Variants in RNF130 observed in about 807,000 individuals in gnomAD.
RNF130 encodes the protein E3 ubiquitin-protein ligase RNF130.
Under a neutral mutation model 44.6 loss-of-function variants are expected in RNF130, and 21 were observed. The observed-to-expected ratio is 0.47, with a 90% CI of 0.33 to 0.68. RNF130 has a LOEUF of 0.68. RNF130 is among the 30% of genes least tolerant of loss of function. RNF130 has a pLI of 0.02. For missense variants in RNF130, 479 were observed against 560.6 expected, an observed-to-expected ratio of 0.85 and a Z score of 1.47; for synonymous variants, 214 against 210.4, an observed-to-expected ratio of 1.02 and a Z score of -0.15.
At chr5:180,039,021 C>T (rs1217610335) in intron 2 of RNF130, among the ~76,000 whole-genome samples, 5 of 152,166 alleles carry the variant, frequency 3.3e-5, no homozygotes, top group Admixed American at 6.5e-5. Flanking sequence ...AAACTACCCT[C>T]GAGTCCTGTG....
At chr5:179,922,925 A>T (rs1401527456) in intron 7 of RNF130, among the ~76,000 whole-genome samples, 1 of 152,062 alleles carries the variant, frequency 6.6e-6, no homozygotes, top group African/African-American at 2.4e-5. Flanking sequence ...CAGAAAAAAA[A>T]ATAATAATAA....
At chr5:180,000,780 T>A (rs930529289) in intron 3 of RNF130, among the ~76,000 whole-genome samples, 1 of 152,222 alleles carries the variant, frequency 6.6e-6, no homozygotes. Context: ...TGTGAACTGT[T>A]TCCCCAACTC....
intron 7 of RNF130, 134 bp from the exon 8 acceptor site, chr5:179,963,698 CAGG>C: frequency 1.5e-6 from 1 of 679,152 alleles, no homozygotes; most frequent in Non-Finnish European, 2.7e-6. Flanking sequence ...GGAAGTGAAG[CAGG>C]AGGTTTGCCA....
At chr5:179,951,091 G>C (rs550459696), downstream of RNF130, among the ~76,000 whole-genome samples, 2 of 152,196 alleles carry the variant, frequency 1.3e-5, no homozygotes, top group African/African-American at 2.4e-5. Context: ...TTGGTTCAGA[G>C]GAGGGCCACT....
chr5:179,968,106 T>G (rs960182971), intron 6 of RNF130, among the ~76,000 whole-genome samples: 1 of 150,664 alleles, frequency 6.6e-6, no homozygotes, highest in Admixed American at 6.6e-5. Context: ...CCATCCTGGC[T>G]AACACGGTGA....
intron 7 of RNF130, among the ~76,000 whole-genome samples, chr5:179,931,187 C>T (rs1260405080): frequency 6.6e-6 from 1 of 152,062 alleles, no homozygotes; most frequent in African/African-American, 2.4e-5. Context: ...CAGTGTTTCC[C>T]GCCTGAAGTA....
At chr5:179,953,115 A>T (rs1394408350), downstream of RNF130, among the ~76,000 whole-genome samples, 3 of 92,966 alleles carry the variant, frequency 3.2e-5, no homozygotes, top group Admixed American at 2.2e-4. Context: ...TCCACAAAAA[A>T]ATATGAGAAT....
chr5:180,053,473 A>C (rs552367840), intron 1 of RNF130, among the ~76,000 whole-genome samples: 1 of 152,352 alleles, frequency 6.6e-6, no homozygotes, highest in African/African-American at 2.4e-5. Context: ...AGACAAATTA[A>C]GCTTTAAGGA....
At chr5:179,948,660 G>A (rs1762081391) in intron 7 of RNF130, among the ~76,000 whole-genome samples, 1 of 152,122 alleles carries the variant, frequency 6.6e-6, no homozygotes, top group Non-Finnish European at 1.5e-5. Context: ...GATAGATAGA[G>A]CGAGACTCTG....
chr5:180,032,279 A>G (rs1179073329), intron 2 of RNF130, among the ~76,000 whole-genome samples: 1 of 152,174 alleles, frequency 6.6e-6, no homozygotes, highest in Non-Finnish European at 1.5e-5. Flanking sequence ...ATCACAGACT[A>G]TCTTCTAAAA....
chr5:179,958,531 C>T (rs1425830517), intron 8 of RNF130, among the ~76,000 whole-genome samples: 2 of 152,194 alleles, frequency 1.3e-5, no homozygotes, highest in Admixed American at 6.5e-5. Flanking sequence ...ACCCTCAGCA[C>T]AGGACGCATC....
At chr5:180,001,332 TC>T (rs1387634832) in intron 3 of RNF130, among the ~76,000 whole-genome samples, 3 of 152,160 alleles carry the variant, frequency 2.0e-5, no homozygotes, top group Admixed American at 6.5e-5. Context: ...AGCACTGGAT[TC>T]CAGGAGCAGG....
intron 1 of RNF130, among the ~76,000 whole-genome samples, chr5:180,070,268 C>A (rs942574658): frequency 1.8e-4 from 27 of 152,184 alleles, no homozygotes; most frequent in African/African-American, 6.3e-4. Flanking sequence ...ACCCTAACTG[C>A]CATTTTTAAC....
intron 1 of RNF130, among the ~76,000 whole-genome samples, chr5:180,068,065 T>G (rs1582237569): frequency 6.6e-6 from 1 of 152,346 alleles, no homozygotes; most frequent in South Asian, 2.1e-4. Context: ...CATCCAATCC[T>G]GAAAATTTCT....
chr5:179,928,639 T>C (rs931321610), intron 7 of RNF130, among the ~76,000 whole-genome samples: 2 of 151,678 alleles, frequency 1.3e-5, no homozygotes, highest in African/African-American at 4.8e-5. Flanking sequence ...TTGTTTTTTT[T>C]TTTTTTTGAG....
chr5:179,944,324 A>G (rs1762007853), intron 7 of RNF130, among the ~76,000 whole-genome samples: 2 of 152,196 alleles, frequency 1.3e-5, no homozygotes. Context: ...AATAAATTAA[A>G]TAACTAAAGG....
chr5:180,058,782 G>A (rs560351574), intron 1 of RNF130, among the ~76,000 whole-genome samples: 7 of 152,086 alleles, frequency 4.6e-5, no homozygotes, highest in East Asian at 1.9e-4. Context: ...GGCTGGTCTC[G>A]AACTCGTGAC....
chr5:180,053,771 A>G (rs1250700720), intron 1 of RNF130, among the ~76,000 whole-genome samples: 1 of 152,048 alleles, frequency 6.6e-6, no homozygotes, highest in Non-Finnish European at 1.5e-5. Flanking sequence ...TGCAACAAGC[A>G]CGGCTACATG....
intron 7 of RNF130, among the ~76,000 whole-genome samples, chr5:179,943,728 C>A (rs1328696702): frequency 6.6e-6 from 1 of 152,194 alleles, no homozygotes; most frequent in Non-Finnish European, 1.5e-5. Context: ...TATCTTTCAG[C>A]CTTATATTCT....
Sources: gnomAD v4.1 joint callset for allele counts (sites outside exome capture counted in the v4.1 genomes callset) on GRCh38, gnomAD v4.1.1 for gene constraint, MANE v1.5 for transcripts, NCBI Gene and HGNC (gene_info 2026-07-23, HGNC 2026-07-21) for gene names.